RANBP2: variants seen among roughly 807,000 people sequenced by gnomAD.
The protein encoded by RANBP2 is E3 SUMO-protein ligase RanBP2.
RANBP2 carries 57 observed loss-of-function variants against 303.6 expected under a neutral mutation model. The ratio of observed to expected loss-of-function variants is 0.19; its 90% CI spans 0.15 to 0.23. RANBP2 has a LOEUF of 0.23. Ranked by LOEUF, RANBP2 falls within the 10% of genes least tolerant of loss-of-function variation. The pLI is 1.00. For missense variants in RANBP2, 3,138 were observed against 3,780.8 expected, an observed-to-expected ratio of 0.83 and a Z score of 4.46; for synonymous variants, 1,167 against 1,301.5, an observed-to-expected ratio of 0.90 and a Z score of 2.23.
intron 25 of RANBP2, among the ~76,000 whole-genome samples, chr2:108,780,469 A>C (rs936356223): frequency 5.5e-5 from 8 of 145,194 alleles, no homozygotes; most frequent in African/African-American, 1.0e-4. Flanking sequence ...AGTTAAAGTG[A>C]TTCTCCTGCC....
the RANBP2 span, among the ~76,000 whole-genome samples, chr2:109,644,818 C>T: frequency 0.027 from 4,096 of 152,282 alleles, 191 homozygotes; most frequent in African/African-American, 0.091. Flanking sequence ...TGCCTCCCCC[C>T]GGCTGCTTGT....
chr2:109,644,470 A>T, the RANBP2 span, among the ~76,000 whole-genome samples: 1 of 152,212 alleles, frequency 6.6e-6, no homozygotes, highest in Non-Finnish European at 1.5e-5. Context: ...CTCTTATCAG[A>T]TCACTAAGGT....
the RANBP2 span, among the ~76,000 whole-genome samples, chr2:109,688,256 G>C: frequency 6.6e-6 from 1 of 152,168 alleles, no homozygotes; most frequent in Non-Finnish European, 1.5e-5. Context: ...ATGAGATCTT[G>C]GGGTCCAGGC....
chr2:109,455,578 A>C, the RANBP2 span, among the ~76,000 whole-genome samples: 1 of 152,334 alleles, frequency 6.6e-6, no homozygotes, highest in East Asian at 1.9e-4. Flanking sequence ...TATATTTTTC[A>C]TGAAACCCCA....
At chr2:109,020,579 A>C in the RANBP2 span, among the ~76,000 whole-genome samples, 2 of 152,220 alleles carry the variant, frequency 1.3e-5, no homozygotes, top group African/African-American at 2.4e-5. Context: ...ACTTTATTGG[A>C]TCCAGATGGG....
At chr2:109,630,642 C>T in the RANBP2 span, among the ~76,000 whole-genome samples, 1 of 152,198 alleles carries the variant, frequency 6.6e-6, no homozygotes, top group African/African-American at 2.4e-5. Context: ...ACTTTGCTCT[C>T]CCCAGTCTCT....
chr2:109,363,442 A>G, the RANBP2 span, among the ~76,000 whole-genome samples: 10 of 152,206 alleles, frequency 6.6e-5, no homozygotes, highest in African/African-American at 2.2e-4. Context: ...AAACACACAC[A>G]CATAAGCATA....
chr2:109,358,438 T>C, the RANBP2 span, among the ~76,000 whole-genome samples: 1 of 152,254 alleles, frequency 6.6e-6, no homozygotes, highest in Non-Finnish European at 1.5e-5. Flanking sequence ...CTAGTTTGCA[T>C]GGTAAAAGCA....
chr2:108,757,612 T>C (rs1270253081), intron 17 of RANBP2, among the ~76,000 whole-genome samples: 1 of 152,190 alleles, frequency 6.6e-6, no homozygotes, highest in African/African-American at 2.4e-5. Context: ...TGTTTCAGCA[T>C]GGGGTTAAGT....
chr2:108,998,446 C>G, the RANBP2 span, among the ~76,000 whole-genome samples: 1 of 152,186 alleles, frequency 6.6e-6, no homozygotes, highest in African/African-American at 2.4e-5. Flanking sequence ...GTTGGGAAGT[C>G]TCAGAGATGC....
chr2:108,846,772 G>T, the RANBP2 span: 1 of 1,612,758 alleles, frequency 6.2e-7, no homozygotes, highest in Non-Finnish European at 8.5e-7. Flanking sequence ...AGGAGATTGG[G>T]TGAAGACATT....
the RANBP2 span, among the ~76,000 whole-genome samples, chr2:108,871,405 T>G: frequency 7.1e-6 from 1 of 141,570 alleles, no homozygotes; most frequent in Admixed American, 7.1e-5. Flanking sequence ...ATAGAAAAAT[T>G]AACTGGGCAT....
the RANBP2 span, among the ~76,000 whole-genome samples, chr2:109,443,994 G>T: frequency 6.6e-6 from 1 of 152,162 alleles, no homozygotes; most frequent in Non-Finnish European, 1.5e-5. Context: ...ACTGGGCCAT[G>T]ATATTTTTAA....
chr2:108,854,915 C>T, the RANBP2 span, among the ~76,000 whole-genome samples: 24 of 152,238 alleles, frequency 1.6e-4, no homozygotes, highest in African/African-American at 5.5e-4. Context: ...ACTTTCTAAT[C>T]ATTTTTAAAT....
the RANBP2 span, among the ~76,000 whole-genome samples, chr2:109,415,784 C>T: frequency 6.6e-6 from 1 of 152,184 alleles, no homozygotes; most frequent in Non-Finnish European, 1.5e-5. Flanking sequence ...CCTCTAGGCC[C>T]ACCACCCACC....
At chr2:109,466,236 C>T in the RANBP2 span, among the ~76,000 whole-genome samples, 2 of 152,050 alleles carry the variant, frequency 1.3e-5, no homozygotes, top group African/African-American at 4.8e-5. Context: ...GCGCGTGCCA[C>T]CACACCCAGC....
At chr2:109,313,287 G>T in the RANBP2 span, among the ~76,000 whole-genome samples, 1 of 152,352 alleles carries the variant, frequency 6.6e-6, no homozygotes, top group South Asian at 2.1e-4. Context: ...CCCCAAACCT[G>T]CTGTACATCC....
chr2:109,701,026 G>C, the RANBP2 span, among the ~76,000 whole-genome samples: 1 of 152,178 alleles, frequency 6.6e-6, no homozygotes, highest in Non-Finnish European at 1.5e-5. Context: ...CTGAGGGAAA[G>C]CAGTGGAGCT....
the RANBP2 span, among the ~76,000 whole-genome samples, chr2:109,647,690 G>A: frequency 1.3e-5 from 2 of 148,152 alleles, no homozygotes; most frequent in African/African-American, 2.5e-5. Flanking sequence ...GGCTGGTCTC[G>A]AACTTCTGAC....
Sources: gnomAD v4.1 joint callset for allele counts (sites outside exome capture counted in the v4.1 genomes callset) on GRCh38, gnomAD v4.1.1 for gene constraint, MANE v1.5 for transcripts, NCBI Gene and HGNC (gene_info 2026-07-23, HGNC 2026-07-21) for gene names.